ANO2: variants seen among roughly 807,000 people sequenced by gnomAD.
ANO2 encodes anoctamin-2.
A neutral mutation model predicts 124.2 loss-of-function variants in ANO2; 101 were observed. The observed-to-expected ratio is 0.81, with a 90% CI of 0.69 to 0.96. ANO2 has a LOEUF of 0.96. ANO2 is among the 40% of genes least tolerant of loss of function. The pLI is 0.00. For missense variants in ANO2, 1,293 were observed against 1,274.5 expected, an observed-to-expected ratio of 1.01 and a Z score of -0.22; for synonymous variants, 486 against 482.5, an observed-to-expected ratio of 1.01 and a Z score of -0.09.
intron 10 of ANO2, among the ~76,000 whole-genome samples, chr12:5,778,298 T>C (rs578071221): frequency 2.1e-4 from 32 of 152,240 alleles, no homozygotes; most frequent in Non-Finnish European, 3.7e-4. Context: ...ATTATAAAGC[T>C]AGGAAATAAT....
chr12:5,617,495 C>T, intron 16 of ANO2, among the ~76,000 whole-genome samples: 1 of 151,812 alleles, frequency 6.6e-6, no homozygotes, highest in East Asian at 1.9e-4. Context: ...ACCGCACTCT[C>T]CAGATAACAC....
chr12:5,907,457 A>G (rs1356314822), intron 3 of ANO2, among the ~76,000 whole-genome samples: 1 of 152,208 alleles, frequency 6.6e-6, no homozygotes, highest in Non-Finnish European at 1.5e-5. Flanking sequence ...AGCCCAGAAA[A>G]GAGGCAATTG....
intron 3 of ANO2, among the ~76,000 whole-genome samples, chr12:5,864,217 T>C (rs1955359191): frequency 6.6e-6 from 1 of 152,112 alleles, no homozygotes; most frequent in South Asian, 2.1e-4. Context: ...AGGATGAAGA[T>C]AAAAGTGAAC....
In ANO2 at chr12:5,759,958, T is replaced by G. The variant is rs879360872; in HGVS notation, c.1056-8988A>C. Among the ~76,000 whole-genome samples, 8 of 116,914 alleles carry G rather than the reference T, an allele frequency of 6.8e-5. No homozygotes were observed. The Admixed American group carries it at 6.8e-4, about 10-fold the overall frequency. 76.7% of individuals were successfully genotyped at this position (116,914 alleles called of 152,430 possible). The stretch of plus-strand genomic sequence containing the variant: ...AAGGAATATAATCTCAGTAGAAATT[T>G]GGATCTACACAATGAAATAGAGAGT... On this transcript the variant is annotated intron_variant, in intron 10 of 24. Coordinates refer to ENST00000682330, the MANE Select transcript of ANO2 (RefSeq NM_001364791.2).
intron 10 of ANO2, among the ~76,000 whole-genome samples, chr12:5,771,731 G>C (rs1456515354): frequency 6.6e-6 from 1 of 152,092 alleles, no homozygotes; most frequent in Non-Finnish European, 1.5e-5. Context: ...AGTGAGCTGA[G>C]ATTGCACCAC....
intron 10 of ANO2, among the ~76,000 whole-genome samples, chr12:5,785,539 C>T (rs1192104991): frequency 6.6e-6 from 1 of 152,150 alleles, no homozygotes; most frequent in Non-Finnish European, 1.5e-5. Flanking sequence ...CTGTAGGTGA[C>T]ACATCATTGG....
At chr12:5,822,000 A>G (rs1953815186) in intron 7 of ANO2, among the ~76,000 whole-genome samples, 1 of 152,190 alleles carries the variant, frequency 6.6e-6, no homozygotes, top group Non-Finnish European at 1.5e-5. Flanking sequence ...GAGAAGACTC[A>G]GGCCTGGTTC....
chr12:5,920,583 A>C (rs976780083), intron 3 of ANO2, among the ~76,000 whole-genome samples: 8 of 152,010 alleles, frequency 5.3e-5, no homozygotes, highest in African/African-American at 1.9e-4. Flanking sequence ...TGGTTTCTCC[A>C]GGCCAGGCAC....
At chr12:5,761,223 T>C (rs985895147) in intron 10 of ANO2, among the ~76,000 whole-genome samples, 25 of 151,998 alleles carry the variant, frequency 1.6e-4, no homozygotes, top group Admixed American at 1.6e-3. Context: ...TCTTACTACG[T>C]CTCTGAAATG....
chr12:5,729,052 T>C (rs976781004), intron 14 of ANO2, among the ~76,000 whole-genome samples: 1 of 152,192 alleles, frequency 6.6e-6, no homozygotes, highest in Non-Finnish European at 1.5e-5. Context: ...AAATTAGAAA[T>C]ATCTTAATGA....
At position 5,744,331 on chromosome 12, in the gene ANO2, AG is replaced by A. The variant is rs1951202484; in HGVS notation, c.1191-15del. Reference sequence around the variant, plus strand: ...CACATCTCTCTGCTGCAATAGATGGAGGTTGTTGGGTCAGGTGGAGCTCAAG... The same window carrying A: ...CACATCTCTCTGCTGCAATAGATGGAGTTGTTGGGTCAGGTGGAGCTCAAG... On this transcript the variant is annotated splice_polypyrimidine_tract_variant and intron_variant, in intron 11 of 24. Transcript: ENST00000682330. 1 of 1,613,768 alleles carries A rather than the reference AG, an allele frequency of 6.2e-7. No homozygotes were observed. The highest frequency in any genetic ancestry group is 8.5e-7 in the Non-Finnish European group (1 of 1,179,722).
chr12:5,726,852 A>G (rs1950460595), intron 14 of ANO2, among the ~76,000 whole-genome samples: 1 of 152,220 alleles, frequency 6.6e-6, no homozygotes, highest in South Asian at 2.1e-4. Flanking sequence ...CACATCAGCA[A>G]AGACTGACTC....
chr12:5,806,154 G>A, intron 8 of ANO2, 61 bp from the exon 9 acceptor site: 1 of 1,520,010 alleles, frequency 6.6e-7, no homozygotes, highest in Non-Finnish European at 9.0e-7. Context: ...GGTGCCAAAG[G>A]AGAAAGGATT....
At chr12:5,943,350 C>A (rs1052958325) in intron 1 of ANO2, among the ~76,000 whole-genome samples, 4 of 151,286 alleles carry the variant, frequency 2.6e-5, no homozygotes, top group African/African-American at 4.9e-5. Flanking sequence ...CAAAATAAGT[C>A]TTTTGCAGCA....
intron 14 of ANO2, among the ~76,000 whole-genome samples, chr12:5,655,292 T>C (rs938120915): frequency 6.6e-6 from 1 of 152,196 alleles, no homozygotes; most frequent in Non-Finnish European, 1.5e-5. Flanking sequence ...GCCTTTCCTT[T>C]AAATCTCAGC....
intron 20 of ANO2, among the ~76,000 whole-genome samples, chr12:5,584,564 C>T (rs1225217614): frequency 6.6e-6 from 1 of 152,168 alleles, no homozygotes; most frequent in Non-Finnish European, 1.5e-5. Context: ...CTAGAAACAG[C>T]CCATTAGTAC....
intron 3 of ANO2, among the ~76,000 whole-genome samples, chr12:5,878,096 A>G (rs938368858): frequency 2.6e-5 from 4 of 152,248 alleles, no homozygotes; most frequent in Non-Finnish European, 5.9e-5. Flanking sequence ...GCAGTAAGCC[A>G]AGGCACACAA....
intron 14 of ANO2, among the ~76,000 whole-genome samples, chr12:5,707,691 C>T (rs1397821503): frequency 6.6e-6 from 1 of 152,200 alleles, no homozygotes; most frequent in East Asian, 1.9e-4. Flanking sequence ...GTTAAACATA[C>T]CTTCCGAGTT....
At chr12:5,649,764 C>T (rs927534938) in intron 14 of ANO2, among the ~76,000 whole-genome samples, 5 of 150,510 alleles carry the variant, frequency 3.3e-5, no homozygotes, top group Non-Finnish European at 4.4e-5. Flanking sequence ...GCCACGATGC[C>T]CCCAGCTAAG....
Sources: allele counts gnomAD v4.1 joint callset (sites outside exome capture counted in the v4.1 genomes callset), GRCh38; gene constraint gnomAD v4.1.1; transcripts MANE v1.5; gene names NCBI Gene and HGNC (gene_info 2026-07-23, HGNC 2026-07-21).